The following USP4 variants were observed in gnomAD, a reference collection of about 807,000 sequenced individuals.
USP4 encodes ubiquitin specific peptidase 4, also known as ubiquitin carboxyl-terminal hydrolase 4.
Under a neutral mutation model 118.2 loss-of-function variants are expected in USP4, and 72 were observed. The observed-to-expected ratio is 0.61, with a 90% CI of 0.50 to 0.74. The LOEUF is 0.74. USP4 is among the 30% of genes least tolerant of loss of function. The pLI is 0.00. For synonymous variants in USP4, 415 were observed against 440.4 expected (o/e 0.94, Z 0.72); for missense variants, 1,037 against 1,185.7 (o/e 0.87, Z 1.84).
At chr3:49,287,127 C>T (rs950375524) in intron 15 of USP4, among the ~76,000 whole-genome samples, 1 of 152,076 alleles carries the variant, frequency 6.6e-6, no homozygotes, top group Non-Finnish European at 1.5e-5. Context: ...GCTAGGATTA[C>T]AGACGTGAGC....
intron 19 of USP4, 81 bp from the exon 20 acceptor site, chr3:49,280,928 A>C: frequency 3.5e-6 from 4 of 1,135,520 alleles, no homozygotes; most frequent in Non-Finnish European, 3.9e-6. Flanking sequence ...AACCTCTGTT[A>C]TGCAACAGGG....
chr3:49,299,397 T>A (rs887937517), intron 11 of USP4, among the ~76,000 whole-genome samples: 1 of 126,136 alleles, frequency 7.9e-6, no homozygotes, highest in African/African-American at 2.9e-5. Context: ...CTGCCTCAAC[T>A]TTTTTTTTTT....
At chr3:49,330,326 G>C (rs1002770313) in intron 2 of USP4, among the ~76,000 whole-genome samples, 5 of 151,630 alleles carry the variant, frequency 3.3e-5, no homozygotes, top group African/African-American at 1.2e-4. Flanking sequence ...CATTGCAATG[G>C]AGCAGTAACT....
chr3:49,316,538 C>T (rs373917260), intron 6 of USP4, among the ~76,000 whole-genome samples: 2 of 152,104 alleles, frequency 1.3e-5, no homozygotes, highest in Admixed American at 6.6e-5. Flanking sequence ...AGGCTAGTCT[C>T]GAACTCCTGG....
rs2047065227 is a variant in USP4, at chr3:49,283,879, C to T, written c.2540+108G>A. The T allele has an allele frequency of 5.1e-6, 7 of 1,362,876 alleles. No homozygotes were observed. In the South Asian group the frequency reaches 9.2e-5, roughly 18 times the overall value. The allele number at this position is 1,362,876 out of a possible 1,614,324, so 84.4% of individuals were successfully genotyped here. A position where few individuals can be genotyped will look rare whatever the true frequency, so the allele number is the denominator to read the frequency against. ...TCTGACCTCCTAGACCCCGGCAACACACATCCTTACTCAGAAAAGTTTTTG... is the reference window on the plus strand; with the variant it reads ...TCTGACCTCCTAGACCCCGGCAACATACATCCTTACTCAGAAAAGTTTTTG... On this transcript the variant is annotated intron_variant, in intron 19 of 21. Transcript: ENST00000265560.
chr3:49,299,591 ACCGTGTTAGCCAGGATGGTCTGG>A, intron 11 of USP4, among the ~76,000 whole-genome samples: 1 of 149,442 alleles, frequency 6.7e-6, no homozygotes, highest in South Asian at 2.1e-4. Context: ...ACGGGGTTTC[ACCGTGTTAGCCAGGATGGTCTGG>A]ATCTCCTGAC....
chr3:49,333,618 G>A (rs939709585), intron 2 of USP4, among the ~76,000 whole-genome samples: 1 of 152,096 alleles, frequency 6.6e-6, no homozygotes, highest in Non-Finnish European at 1.5e-5. Flanking sequence ...AGCCTGAGGA[G>A]AGAGAGAGAG....
At chr3:49,291,386 C>A (rs1328153790) in intron 15 of USP4, among the ~76,000 whole-genome samples, 1 of 148,780 alleles carries the variant, frequency 6.7e-6, no homozygotes, top group African/African-American at 2.5e-5. Context: ...ACCAGCCTGG[C>A]CAAGATGGTG....
At chr3:49,287,421 T>G (rs900092194) in intron 15 of USP4, among the ~76,000 whole-genome samples, 1 of 152,118 alleles carries the variant, frequency 6.6e-6, no homozygotes, top group African/African-American at 2.4e-5. Context: ...CCCAAAGTAC[T>G]GGGATTACAG....
At chr3:49,281,489 TATACACACACAC>T (rs1411472361) in intron 19 of USP4, among the ~76,000 whole-genome samples, 8 of 109,080 alleles carry the variant, frequency 7.3e-5, no homozygotes, top group Non-Finnish European at 1.1e-4. Context: ...TATATATATA[TATACACACACAC>T]ACACACACAC....
At chr3:49,330,453 G>A (rs918237858) in intron 2 of USP4, among the ~76,000 whole-genome samples, 27 of 151,532 alleles carry the variant, frequency 1.8e-4, no homozygotes, top group Admixed American at 5.3e-4. Context: ...TCAGCCTCCC[G>A]AGGAGCTGGG....
intron 6 of USP4, among the ~76,000 whole-genome samples, chr3:49,320,804 T>C (rs1485948963): frequency 6.6e-6 from 1 of 152,148 alleles, no homozygotes; most frequent in Admixed American, 6.6e-5. Context: ...TCTTATTTTT[T>C]CCCCCCTTCA....
chr3:49,312,361 C>T (rs956833363), intron 6 of USP4: 8 of 397,166 alleles, frequency 2.0e-5, no homozygotes, highest in Admixed American at 3.0e-5. Context: ...TGGTGGCGGG[C>T]GCCTGTCATC....
intron 2 of USP4, among the ~76,000 whole-genome samples, chr3:49,335,018 A>C (rs1197574802): frequency 6.6e-6 from 1 of 152,164 alleles, no homozygotes; most frequent in Non-Finnish European, 1.5e-5. Context: ...CTGTCTACTG[A>C]CCTTCAACCT....
chr3:49,283,716 G>A (rs953978626), intron 19 of USP4, among the ~76,000 whole-genome samples: 3 of 152,172 alleles, frequency 2.0e-5, no homozygotes, highest in African/African-American at 7.2e-5. Context: ...CCAGTTAGGT[G>A]GCCTAAGTGA....
intron 20 of USP4, among the ~76,000 whole-genome samples, chr3:49,280,006 G>C (rs942862885): frequency 6.6e-6 from 1 of 152,040 alleles, no homozygotes; most frequent in Non-Finnish European, 1.5e-5. Flanking sequence ...TCACACCTGT[G>C]ATCCCAACAC....
chr3:49,330,354 GTC>G (rs1228597829), intron 2 of USP4, among the ~76,000 whole-genome samples: 1 of 151,166 alleles, frequency 6.6e-6, no homozygotes, highest in Non-Finnish European at 1.5e-5. Context: ...TTTTGAGACA[GTC>G]TCGCTGTGTC....
intron 6 of USP4, chr3:49,317,481 A>G: frequency 2.2e-6 from 1 of 455,368 alleles, no homozygotes; most frequent in Admixed American, 4.2e-5. Context: ...GGGGCCCCCT[A>G]TTTTTTTTTT....
At chr3:49,316,876 C>T (rs1380378430) in intron 6 of USP4, 1 of 597,818 alleles carries the variant, frequency 1.7e-6, no homozygotes, top group Admixed American at 3.0e-5. Flanking sequence ...AGCCCACCCT[C>T]CCCATAGCCT....
Sources: allele counts gnomAD v4.1 joint callset (sites outside exome capture counted in the v4.1 genomes callset), GRCh38; gene constraint gnomAD v4.1.1; transcripts MANE v1.5; gene names NCBI Gene and HGNC (gene_info 2026-07-23, HGNC 2026-07-21).